FHIP1A: variants seen among roughly 807,000 people sequenced by gnomAD.
FHIP1A encodes the protein FHF complex subunit HOOK interacting protein 1A, also known as FHF complex subunit HOOK-interacting protein 1A.
In FHIP1A, 61 loss-of-function variants were observed where a neutral mutation model predicts 88.6. The ratio of observed to expected loss-of-function variants is 0.69; its 90% CI spans 0.56 to 0.85. The LOEUF (loss-of-function observed/expected upper bound fraction) is 0.85, where lower values mean the gene tolerates loss of function less well. Ranked by LOEUF, FHIP1A falls within the 40% of genes least tolerant of loss-of-function variation. The pLI is 0.00. For synonymous variants in FHIP1A, 478 were observed against 496.0 expected (o/e 0.96, Z 0.48); for missense variants, 1,154 against 1,273.5 (o/e 0.91, Z 1.43).
At chr4:151,560,432 A>G (rs1355125164) in intron 3 of FHIP1A, among the ~76,000 whole-genome samples, 1 of 152,152 alleles carries the variant, frequency 6.6e-6, no homozygotes, top group African/African-American at 2.4e-5. Flanking sequence ...TTTTTTTTCC[A>G]GGAACATTTT....
chr4:151,637,789 A>G (rs2126889367), intron 8 of FHIP1A, among the ~76,000 whole-genome samples: 1 of 152,326 alleles, frequency 6.6e-6, no homozygotes, highest in East Asian at 1.9e-4. Context: ...AGCTAACGAC[A>G]AGTATATGAC....
At chr4:151,446,022 G>A (rs1216800874) in intron 1 of FHIP1A, among the ~76,000 whole-genome samples, 1 of 151,752 alleles carries the variant, frequency 6.6e-6, no homozygotes, top group Non-Finnish European at 1.5e-5. Context: ...ATAAACCTAG[G>A]AGTGGAATTG....
At chr4:151,499,986 A>G (rs1483181996) in intron 3 of FHIP1A, among the ~76,000 whole-genome samples, 3 of 152,166 alleles carry the variant, frequency 2.0e-5, no homozygotes, top group African/African-American at 4.8e-5. Context: ...CTCCACATAG[A>G]TTCTACTTTT....
chr4:151,489,056 A>C (rs1730186102), intron 3 of FHIP1A, among the ~76,000 whole-genome samples: 1 of 152,194 alleles, frequency 6.6e-6, no homozygotes, highest in South Asian at 2.1e-4. Flanking sequence ...GAAAGAATTC[A>C]CAGACCCTTT....
Position 151,484,665 on chromosome 4 carries a change from A to G in FHIP1A, c.-123+2017A>G, listed in dbSNP as rs571517510. Among the ~76,000 whole-genome samples the G allele has an allele frequency of 8.5e-5, 13 of 152,346 alleles. No homozygotes were observed. In the South Asian group the frequency reaches 2.7e-3, roughly 32 times the overall value. ...GAAGACAGTATGATGCAAAATGTGT[A>G]TGATAGTCCTCAGGAGAGGCTGTCA... On this transcript the variant is annotated intron_variant, in intron 3 of 13. Coordinates refer to ENST00000435205, the MANE Select transcript of FHIP1A (RefSeq NM_001109977.3).
At chr4:151,416,858 A>G (rs1023678505) in intron 1 of FHIP1A, among the ~76,000 whole-genome samples, 6 of 151,988 alleles carry the variant, frequency 3.9e-5, no homozygotes, top group East Asian at 1.9e-4. Flanking sequence ...ATTTGGGCTC[A>G]TTGCAGCCTC....
At chr4:151,485,073 G>T (rs1252935300) in intron 3 of FHIP1A, among the ~76,000 whole-genome samples, 1 of 152,078 alleles carries the variant, frequency 6.6e-6, no homozygotes, top group African/African-American at 2.4e-5. Context: ...TGACTTGTTA[G>T]GGTCAAATAA....
intron 10 of FHIP1A, among the ~76,000 whole-genome samples, chr4:151,647,328 T>C (rs1026154444): frequency 6.6e-6 from 1 of 152,206 alleles, no homozygotes; most frequent in Non-Finnish European, 1.5e-5. Context: ...TCTGTCAACC[T>C]TGGCCCTCTG....
At chr4:151,464,641 T>C (rs1486488632) in intron 2 of FHIP1A, among the ~76,000 whole-genome samples, 4 of 152,210 alleles carry the variant, frequency 2.6e-5, no homozygotes, top group African/African-American at 9.7e-5. Context: ...GTAGTGTGTA[T>C]TACCTACAGA....
chr4:151,596,065 T>A (rs1484526060), intron 7 of FHIP1A, among the ~76,000 whole-genome samples: 1 of 152,256 alleles, frequency 6.6e-6, no homozygotes, highest in Non-Finnish European at 1.5e-5. Flanking sequence ...GATCCTGTCA[T>A]TATGATGCTA....
chr4:151,663,871 A>G lies in FHIP1A; in HGVS notation c.*1117A>G, dbSNP rs1481022566. 1.3e-5 allele frequency among the ~76,000 whole-genome samples: 2 copies of G among 152,194 alleles called. No individual in the cohort carries two copies. Among genetic ancestry groups the G allele is most frequent in the East Asian group, 1.9e-4 (1 of 5,190 alleles). ...AGTGCCTGCTGGCGACTCACTCTGC[A>G]TGGAAATGCTGCCTTCCGAGTAATG... On this transcript the variant is annotated 3_prime_UTR_variant, in exon 14 of 14. Transcript: ENST00000435205.
rs180676432 is a variant in FHIP1A, at chr4:151,667,664, G to A, written c.*4910G>A. 6.6e-6 allele frequency among the ~76,000 whole-genome samples: 1 copy of A among 152,142 alleles called. No homozygotes were observed. The highest frequency in any genetic ancestry group is 2.1e-4 in the South Asian group (1 of 4,822). On this transcript the variant is annotated 3_prime_UTR_variant, in exon 14 of 14. Coordinates refer to ENST00000435205, the MANE Select transcript of FHIP1A (RefSeq NM_001109977.3). ...CCTTCAGTTCTTTGACCTCTTGCAC[G>A]TAGAATCCTAAAACTGATCATGATT...
rs1216337423 is a variant in FHIP1A at position 151,656,427 on chromosome 4, C to T, written c.2730+17C>T. ...CTCTATCAGGTATGTTAGCTGAACC[C>T]ACATCCACACCTGTTGATTTTGTGG... On this transcript the variant is annotated intron_variant, in intron 12 of 13. Coordinates refer to ENST00000435205, the MANE Select transcript of FHIP1A (RefSeq NM_001109977.3). The surrounding 1 kb of genome is among the most constrained non-coding windows in gnomAD (Gnocchi z 4.2). 6.5e-7 allele frequency: 1 copy of T among 1,549,670 alleles called. No individual in the cohort carries two copies. The highest frequency in any genetic ancestry group is 1.2e-5 in the South Asian group (1 of 83,980).
intron 3 of FHIP1A, among the ~76,000 whole-genome samples, chr4:151,515,681 A>G (rs1731207343): frequency 6.6e-6 from 1 of 152,284 alleles, no homozygotes; most frequent in African/African-American, 2.4e-5. Flanking sequence ...CCAAATCATG[A>G]GTGAACTCCC....
intron 7 of FHIP1A, among the ~76,000 whole-genome samples, chr4:151,628,122 A>C (rs1181427546): frequency 1.3e-5 from 2 of 152,160 alleles, no homozygotes; most frequent in Non-Finnish European, 2.9e-5. Flanking sequence ...AGCTCTTTAC[A>C]GTTGGTCAGA....
intron 1 of FHIP1A, among the ~76,000 whole-genome samples, chr4:151,411,103 T>C (rs764014843): frequency 6.6e-6 from 1 of 152,222 alleles, no homozygotes; most frequent in Non-Finnish European, 1.5e-5. Flanking sequence ...AATGGAGGAC[T>C]TGAAGACTAG....
At chr4:151,431,431 G>A (rs1401486505) in intron 1 of FHIP1A, among the ~76,000 whole-genome samples, 1 of 152,132 alleles carries the variant, frequency 6.6e-6, no homozygotes, top group Non-Finnish European at 1.5e-5. Context: ...TCATTCTTAA[G>A]CTGGGGTCAT....
At position 151,566,355 on chromosome 4, in the gene FHIP1A, C is replaced by T; in HGVS notation, c.96C>T (p.His32=). The T allele has an allele frequency of 1.3e-6, 2 of 1,544,890 alleles. No homozygotes were observed. Among genetic ancestry groups the T allele is most frequent in the Admixed American group, 3.9e-5 (2 of 50,952 alleles). ...PETCMIVFKN[H]WAQVVKILEK... The stretch of plus-strand genomic sequence containing the variant: ...CATGCATGATTGTATTTAAAAACCA[C>T]TGGGCACAGGTAATGTATGAATTCC... The change falls in exon 4 of 14, where the codon CAC becomes CAT. Residue 32 remains histidine, a synonymous_variant. Transcript: ENST00000435205.
chr4:151,578,576 C>A (rs149517292), intron 5 of FHIP1A, among the ~76,000 whole-genome samples: 60 of 152,214 alleles, frequency 3.9e-4, no homozygotes, highest in African/African-American at 1.4e-3. Context: ...AGTTAGTGTG[C>A]AGGGGCCACG....
Sources: gnomAD v4.1 joint callset for allele counts (sites outside exome capture counted in the v4.1 genomes callset) on GRCh38, gnomAD v4.1.1 for gene constraint, Gnocchi (gnomAD v3.1) non-coding constraint, MANE v1.5 for transcripts, NCBI Gene and HGNC (gene_info 2026-07-23, HGNC 2026-07-21) for gene names.